Variants in IFRD1 observed in about 807,000 individuals in gnomAD.
IFRD1 encodes the protein interferon related developmental regulator 1, also known as interferon-related developmental regulator 1.
IFRD1 carries 35 observed loss-of-function variants against 52.9 expected under a neutral mutation model. The observed-to-expected ratio is 0.66, with a 90% CI of 0.51 to 0.88. The LOEUF (loss-of-function observed/expected upper bound fraction) is 0.88. IFRD1 is among the 40% of genes least tolerant of loss of function. The pLI, the probability that IFRD1 is intolerant of heterozygous loss-of-function variation, is 0.00. For missense variants in IFRD1, 517 were observed against 550.8 expected (o/e 0.94, Z 0.61); for synonymous variants, 184 against 188.4 (o/e 0.98, Z 0.19).
intron 9 of IFRD1, among the ~76,000 whole-genome samples, chr7:112,471,417 G>A (rs1795742339): frequency 6.6e-6 from 1 of 152,112 alleles, no homozygotes; most frequent in African/African-American, 2.4e-5. Context: ...TAGATGTCTG[G>A]AAGGCAGGTG....
intron 4 of IFRD1, chr7:112,457,395 C>T: frequency 3.0e-6 from 1 of 329,800 alleles, no homozygotes. Flanking sequence ...TTGATTGTAC[C>T]TGTAAATTAC....
rs145102802 is a variant in IFRD1 at position 112,453,002 on chromosome 7, G to A, written c.94+2220G>A. Reference sequence around the variant, plus strand: ...TTGGTCCTATGTGAATGTTTTACTTGTTTAATAAACAATGAATAAATAATA... The same window carrying A: ...TTGGTCCTATGTGAATGTTTTACTTATTTAATAAACAATGAATAAATAATA... On this transcript the variant is annotated intron_variant, in intron 1 of 11. Coordinates refer to ENST00000403825, the MANE Select transcript of IFRD1 (RefSeq NM_001550.4). Among the ~76,000 whole-genome samples the A allele has an allele frequency of 8.9e-4, 136 of 152,240 alleles. 4 individuals are homozygous for A. The South Asian group carries it at 0.015, about 16-fold the overall frequency.
chr7:112,433,490 A>G (rs995337996), intron 1 of IFRD1, among the ~76,000 whole-genome samples: 5 of 152,200 alleles, frequency 3.3e-5, no homozygotes, highest in African/African-American at 1.2e-4. Flanking sequence ...CAGTGTTGTT[A>G]TCTCCAGGAG....
At position 112,450,548 on chromosome 7, in the gene IFRD1, AC is replaced by A; in HGVS notation, c.-136del. 1.4e-6 allele frequency: 1 copy of A among 696,100 alleles called. No homozygotes were observed. The highest frequency in any genetic ancestry group is 2.7e-6 in the Non-Finnish European group (1 of 376,864). 43.1% of individuals were successfully genotyped at this position (696,100 alleles called of 1,614,324 possible). A position where few individuals can be genotyped will look rare whatever the true frequency, so the allele number is the denominator to read the frequency against. On this transcript the variant is annotated 5_prime_UTR_variant, in exon 1 of 12. The change creates a premature stop within an existing upstream ORF in the 5' untranslated region. Transcript: ENST00000403825. ...TCTGCTGCCGCCACCGCCCACTCTT[AC>A]CCCCGCCGCTTCTCGACTCTGTTGT... is the stretch of plus-strand genomic sequence containing the variant.
At chr7:112,461,316 C>T (rs1198237544) in intron 5 of IFRD1, 3 of 152,176 alleles carry the variant, frequency 2.0e-5, no homozygotes, top group African/African-American at 7.2e-5. Flanking sequence ...GTTGTAACAG[C>T]TTAAAAACCA....
intron 1 of IFRD1, among the ~76,000 whole-genome samples, chr7:112,435,884 T>G (rs571729679): frequency 6.6e-6 from 1 of 152,010 alleles, no homozygotes; most frequent in South Asian, 2.1e-4. Context: ...CTCTTTTTTT[T>G]TTTTGTTTTT....
intron 1 of IFRD1, among the ~76,000 whole-genome samples, chr7:112,426,541 G>T (rs769570118): frequency 6.6e-6 from 1 of 152,144 alleles, no homozygotes; most frequent in African/African-American, 2.4e-5. Context: ...CCTTCTTGCC[G>T]CATCATGTAA....
chr7:112,438,239 A>G (rs1018875832), intron 1 of IFRD1, among the ~76,000 whole-genome samples: 1 of 152,218 alleles, frequency 6.6e-6, no homozygotes, highest in African/African-American at 2.4e-5. Context: ...TCATAAAAAA[A>G]GGGGCCAAAT....
chr7:112,463,039 A>G (rs1176454678), intron 8 of IFRD1, among the ~76,000 whole-genome samples: 1 of 152,134 alleles, frequency 6.6e-6, no homozygotes, highest in Non-Finnish European at 1.5e-5. Context: ...TCATTTGGTA[A>G]CCCTAATTTG....
intron 1 of IFRD1, among the ~76,000 whole-genome samples, chr7:112,427,384 G>T (rs1485813113): frequency 6.6e-6 from 1 of 152,208 alleles, no homozygotes; most frequent in Non-Finnish European, 1.5e-5. Flanking sequence ...GGGCTAGCAT[G>T]TTGAGGACAG....
chr7:112,436,386 C>A (rs187910035), intron 1 of IFRD1, among the ~76,000 whole-genome samples: 1 of 152,088 alleles, frequency 6.6e-6, no homozygotes, highest in Non-Finnish European at 1.5e-5. Context: ...ACACCCAGAG[C>A]AGCAGTGATG....
intron 4 of IFRD1, chr7:112,457,443 A>G (rs936225249): frequency 4.6e-6 from 1 of 217,198 alleles, no homozygotes; most frequent in Non-Finnish European, 9.1e-6. Flanking sequence ...CTTGAATTCT[A>G]GAACTTTGTA....
At chr7:112,440,119 G>A (rs1397807715) in intron 1 of IFRD1, among the ~76,000 whole-genome samples, 1 of 152,036 alleles carries the variant, frequency 6.6e-6, no homozygotes, top group Admixed American at 6.6e-5. Flanking sequence ...CAGAGTAGCT[G>A]GGACTACAGG....
chr7:112,439,228 T>G (rs535665766), intron 1 of IFRD1, among the ~76,000 whole-genome samples: 2 of 152,238 alleles, frequency 1.3e-5, no homozygotes, highest in Non-Finnish European at 2.9e-5. Context: ...TGTTCGTACA[T>G]TGTATGTACA....
intron 8 of IFRD1, 189 bp from the exon 9 acceptor site, chr7:112,467,792 A>G (rs1584499315): frequency 6.6e-6 from 4 of 608,564 alleles, no homozygotes; most frequent in African/African-American, 1.9e-5. Flanking sequence ...TCTTGTAGTC[A>G]GCATTTCTGG....
chr7:112,430,900 G>A (rs1284892857), intron 1 of IFRD1, among the ~76,000 whole-genome samples: 11 of 152,176 alleles, frequency 7.2e-5, no homozygotes, highest in African/African-American at 2.7e-4. Flanking sequence ...TCAGCACCGT[G>A]TTCCCCAGCT....
In IFRD1 at chr7:112,424,305, T is replaced by C. The variant is rs560578105; in HGVS notation, c.-182+873T>C. Among the ~76,000 whole-genome samples the C allele has an allele frequency of 1.3e-4, 20 of 152,304 alleles. No individual in the cohort carries two copies. In the South Asian group the frequency reaches 3.1e-3, roughly 24 times the overall value. ...ACTTTTGGTTGTAAATTGACTGTGC[T>C]GTCTTGAGGTAATCTGGTGCTCTGG... is the stretch of plus-strand genomic sequence containing the variant. On this transcript the variant is annotated intron_variant, in intron 1 of 12. Coordinates refer to the IFRD1 transcript ENST00000005558.
chr7:112,456,444 G>A (rs1018329850), intron 3 of IFRD1, among the ~76,000 whole-genome samples: 2 of 152,086 alleles, frequency 1.3e-5, no homozygotes, highest in Admixed American at 6.6e-5. Flanking sequence ...CTTGCTTTAA[G>A]CTGCTTGTCC....
At chr7:112,432,406 G>C (rs1794567494) in intron 1 of IFRD1, among the ~76,000 whole-genome samples, 1 of 152,186 alleles carries the variant, frequency 6.6e-6, no homozygotes, top group Non-Finnish European at 1.5e-5. Flanking sequence ...ACTTAAAGAA[G>C]TAACTTGCAG....
Sources: gnomAD v4.1 joint callset for allele counts (sites outside exome capture counted in the v4.1 genomes callset) on GRCh38, gnomAD v4.1.1 for gene constraint, MANE v1.5 for transcripts, NCBI Gene and HGNC (gene_info 2026-07-23, HGNC 2026-07-21) for gene names.